Variants in SMYD3 observed in about 807,000 individuals in gnomAD.
The protein encoded by SMYD3 is SET and MYND domain containing 3.
A neutral mutation model predicts 57.7 loss-of-function variants in SMYD3; 36 were observed. The ratio of observed to expected loss-of-function variants is 0.62; its 90% CI spans 0.48 to 0.82. The LOEUF is 0.82. Among genes scored for constraint, SMYD3 ranks in the 40% least tolerant of loss-of-function variants. The pLI, the probability that SMYD3 is intolerant of heterozygous loss-of-function variation, is 0.00. For synonymous variants in SMYD3, 211 were observed against 195.0 expected (o/e 1.08, Z -0.68); for missense variants, 515 against 538.8 (o/e 0.96, Z 0.44).
intron 1 of SMYD3, among the ~76,000 whole-genome samples, chr1:246,420,900 G>A (rs548775868): frequency 1.3e-5 from 2 of 152,210 alleles, no homozygotes; most frequent in African/African-American, 4.8e-5. Context: ...TCTTTGTCTG[G>A]GTGCTGAAGT....
intron 11 of SMYD3, among the ~76,000 whole-genome samples, 194 bp downstream of exon 11, chr1:245,763,847 G>A (rs182671950): frequency 6.6e-6 from 1 of 152,312 alleles, no homozygotes. Flanking sequence ...GGGCATGCCT[G>A]CATCACAGAA....
rs756846846 is a variant in SMYD3, at chr1:246,355,114, T to C, written c.165-20A>G. Reference sequence around the variant, plus strand: ...TCCTTCCTGTGGGGAAAAAAATTAATTCTGCATTAAGAAATGAGTGGGAAA... The same window carrying C: ...TCCTTCCTGTGGGGAAAAAAATTAACTCTGCATTAAGAAATGAGTGGGAAA... On this transcript the variant is annotated intron_variant, in intron 1 of 11. Transcript: ENST00000490107. This position sits in a 1 kb window ranked among gnomAD's most constrained non-coding sequence, Gnocchi z 5.0. 2 of 1,613,204 alleles carry C rather than the reference T, an allele frequency of 1.2e-6. No individual in the cohort carries two copies. The highest frequency in any genetic ancestry group is 1.7e-6 in the Non-Finnish European group (2 of 1,179,166).
At chr1:245,899,035 T>C (rs2054013677) in intron 8 of SMYD3, among the ~76,000 whole-genome samples, 1 of 152,182 alleles carries the variant, frequency 6.6e-6, no homozygotes, top group Admixed American at 6.5e-5. Context: ...CCTGCCTTCC[T>C]GAAACAAAAT....
chr1:245,767,355 C>T (rs1172341241), intron 10 of SMYD3, among the ~76,000 whole-genome samples: 1 of 152,166 alleles, frequency 6.6e-6, no homozygotes, highest in Non-Finnish European at 1.5e-5. Context: ...GCCCCATAAG[C>T]AATCTGCAGA....
rs924626277 is a variant in SMYD3 at position 245,960,539 on chromosome 1, T to C, written c.532-30602A>G. ...AAGGCCGAGGCCAGCCTGGGTAACA[T>C]GGGAAAACCCCCATCTCTACGAAAA... On this transcript the variant is annotated intron_variant, in intron 5 of 11. Transcript: ENST00000490107. 3.9e-5 allele frequency among the ~76,000 whole-genome samples: 6 copies of C among 151,990 alleles called. No individual in the cohort carries two copies. The East Asian group carries it at 7.7e-4, about 20-fold the overall frequency.
chr1:246,104,364 C>T (rs2061077674), intron 5 of SMYD3, among the ~76,000 whole-genome samples: 1 of 152,186 alleles, frequency 6.6e-6, no homozygotes. Context: ...AAGACTAGAA[C>T]GGTGCTACTC....
chr1:246,252,304 T>A (rs1351649365), intron 5 of SMYD3, among the ~76,000 whole-genome samples: 1 of 152,056 alleles, frequency 6.6e-6, no homozygotes, highest in Non-Finnish European at 1.5e-5. Flanking sequence ...GCCCACGTAC[T>A]CTGAATGGCG....
rs765320268 is a variant in SMYD3, at chr1:246,355,072, A to C, written c.187T>G (p.Ser63Ala). ...LLGKEKLMRC[S>A]QCRVAKYCSA... is the part of the protein sequence containing the mutation. ...CAGTATTTGGCGACGCGGCACTGAGAGCATCGCATCAGCTTTTCCTTCCTG... is the reference window on the plus strand; with the variant it reads ...CAGTATTTGGCGACGCGGCACTGAGCGCATCGCATCAGCTTTTCCTTCCTG... Residue 63 changes from serine (S) to alanine (A), a missense_variant, in exon 2 of 12, where the codon TCT (serine) becomes GCT (alanine). Transcript: ENST00000490107. The surrounding 1 kb of genome is among the most constrained non-coding windows in gnomAD (Gnocchi z 5.0). 6.2e-7 allele frequency: 1 copy of C among 1,614,210 alleles called. No individual in the cohort carries two copies. Among genetic ancestry groups the C allele is most frequent in the South Asian group, 1.1e-5 (1 of 91,084 alleles).
chr1:245,960,801 G>A (rs1025877166), intron 5 of SMYD3, among the ~76,000 whole-genome samples: 10 of 152,034 alleles, frequency 6.6e-5, no homozygotes, highest in East Asian at 1.9e-4. Context: ...TTATAGAATC[G>A]TTACACATCT....
intron 2 of SMYD3, among the ~76,000 whole-genome samples, chr1:246,350,734 G>T (rs1385464932): frequency 6.6e-6 from 1 of 152,046 alleles, no homozygotes; most frequent in Non-Finnish European, 1.5e-5. Flanking sequence ...TGGAGACGGA[G>T]TCTTGAGAAG....
At chr1:246,319,165 C>T (rs972843157) in intron 5 of SMYD3, among the ~76,000 whole-genome samples, 1 of 152,132 alleles carries the variant, frequency 6.6e-6, no homozygotes, top group African/African-American at 2.4e-5. Context: ...TGCATGACAC[C>T]GTTTCATAAT....
rs181242392 is a variant in SMYD3 at position 246,316,908 on chromosome 1, T to C, written c.531+10293A>G. On this transcript the variant is annotated intron_variant, in intron 5 of 11. Coordinates refer to ENST00000490107, the MANE Select transcript of SMYD3 (RefSeq NM_001167740.2). Reference sequence around the variant, plus strand: ...TACTCGGGAGGCTGAGGCAGGAGAATCGCTTGAACCTGGGAGGTGGAGGTT... The same window carrying C: ...TACTCGGGAGGCTGAGGCAGGAGAACCGCTTGAACCTGGGAGGTGGAGGTT... Among the ~76,000 whole-genome samples the C allele has an allele frequency of 4.0e-3, 606 of 151,042 alleles. 9 individuals carry two copies. The highest frequency in any genetic ancestry group is 0.014 in the African/African-American group (576 of 41,290).
intron 10 of SMYD3, among the ~76,000 whole-genome samples, chr1:245,817,215 G>A (rs1299610319): frequency 4.1e-5 from 6 of 146,386 alleles, no homozygotes; most frequent in African/African-American, 1.0e-4. Context: ...CGGGCAGACT[G>A]CCTCCTCAAG....
intron 11 of SMYD3, among the ~76,000 whole-genome samples, chr1:245,753,592 G>A (rs887184904): frequency 1.5e-5 from 2 of 131,968 alleles, no homozygotes; most frequent in Admixed American, 1.5e-4. Context: ...AGGGCCCTGT[G>A]TGGCCCTGGG....
chr1:245,811,989 T>C (rs1338680263), intron 10 of SMYD3, among the ~76,000 whole-genome samples: 1 of 152,186 alleles, frequency 6.6e-6, no homozygotes, highest in Non-Finnish European at 1.5e-5. Flanking sequence ...CAGAAGATGG[T>C]CCTCTTTCTT....
chr1:245,750,796 C>A (rs899746806), intron 11 of SMYD3, among the ~76,000 whole-genome samples: 5 of 152,102 alleles, frequency 3.3e-5, no homozygotes, highest in African/African-American at 1.2e-4. Flanking sequence ...TAAATGTGCC[C>A]AGGAGACTTG....
chr1:246,287,931 C>T (rs1473170032), intron 5 of SMYD3, among the ~76,000 whole-genome samples: 1 of 152,118 alleles, frequency 6.6e-6, no homozygotes, highest in African/African-American at 2.4e-5. Context: ...ATGAGCACAG[C>T]TGCAGGGTAG....
At chr1:246,170,536 A>G (rs1423828807) in intron 5 of SMYD3, among the ~76,000 whole-genome samples, 2 of 151,760 alleles carry the variant, frequency 1.3e-5, no homozygotes, top group East Asian at 3.9e-4. Flanking sequence ...GAATTCTACT[A>G]TGAGTAATTT....
At chr1:246,016,112 T>C (rs2059372081) in intron 5 of SMYD3, among the ~76,000 whole-genome samples, 2 of 151,688 alleles carry the variant, frequency 1.3e-5, no homozygotes, top group African/African-American at 4.9e-5. Context: ...TATAAAAAAA[T>C]AAGTATCAGC....
Sources: gnomAD v4.1 joint callset for allele counts (sites outside exome capture counted in the v4.1 genomes callset) on GRCh38, gnomAD v4.1.1 for gene constraint, Gnocchi (gnomAD v3.1) non-coding constraint, MANE v1.5 for transcripts, NCBI Gene and HGNC (gene_info 2026-07-23, HGNC 2026-07-21) for gene names.